TBC1D32: variants seen among roughly 807,000 people sequenced by gnomAD.
TBC1D32 encodes the protein protein broad-minded.
In TBC1D32, 151 loss-of-function variants were observed where a neutral mutation model predicts 170.3. The observed-to-expected ratio is 0.89, with a 90% CI of 0.78 to 1.01. The LOEUF is 1.01. TBC1D32 is among the 50% of genes least tolerant of loss of function. The pLI is 0.00. For synonymous variants in TBC1D32, 498 were observed against 488.0 expected, an observed-to-expected ratio of 1.02 and a Z score of -0.27; for missense variants, 1,464 against 1,457.1, an observed-to-expected ratio of 1.00 and a Z score of -0.08.
intron 24 of TBC1D32, among the ~76,000 whole-genome samples, chr6:121,155,760 C>T (rs995126559): frequency 6.6e-6 from 1 of 151,958 alleles, no homozygotes; most frequent in Admixed American, 6.6e-5. Context: ...TCTATTGAAA[C>T]GGTAATGTAG....
intron 30 of TBC1D32, among the ~76,000 whole-genome samples, chr6:121,092,163 T>A (rs1340215708): frequency 6.6e-6 from 1 of 152,136 alleles, no homozygotes; most frequent in Non-Finnish European, 1.5e-5. Context: ...TCATGGTACT[T>A]TGTTACTATA....
At chr6:121,304,168 G>A (rs10499104) in intron 8 of TBC1D32, among the ~76,000 whole-genome samples, 197 bp downstream of exon 8, 11,171 of 149,054 alleles carry the variant, frequency 0.075, 433 homozygotes, top group South Asian at 0.15. Context: ...ATGATGTAAA[G>A]TGGTACCTGT....
In TBC1D32 at chr6:121,238,586, T is replaced by C. The variant is rs190433039; in HGVS notation, c.2364+484A>G. Among the ~76,000 whole-genome samples, 4 of 152,260 alleles carry C rather than the reference T, an allele frequency of 2.6e-5. No individual in the cohort carries two copies. In the East Asian group the frequency reaches 5.8e-4, roughly 22 times the overall value. ...AATGTAAAAAGCCATTGAATTATGA[T>C]AGAACATTGGGTGACTGATTTTAAA... On this transcript the variant is annotated intron_variant, in intron 20 of 31. Transcript: ENST00000398212.
At chr6:121,171,620 A>G (rs1257286106) in intron 22 of TBC1D32, among the ~76,000 whole-genome samples, 3 of 152,142 alleles carry the variant, frequency 2.0e-5, no homozygotes, top group Admixed American at 6.5e-5. Context: ...ACATGATTAC[A>G]TATTAAAACA....
chr6:121,192,496 C>A (rs190045794), intron 22 of TBC1D32: 3 of 152,260 alleles, frequency 2.0e-5, no homozygotes, highest in African/African-American at 7.2e-5. Context: ...GCTTCAGAAG[C>A]TGAGGCTCAA....
chr6:121,114,057 C>T (rs1378281645), intron 27 of TBC1D32, among the ~76,000 whole-genome samples: 1 of 151,958 alleles, frequency 6.6e-6, no homozygotes, highest in Non-Finnish European at 1.5e-5. Flanking sequence ...ACCTGTAATC[C>T]CAGCTACTCA....
At chr6:121,193,118 T>C (rs764778454) in intron 22 of TBC1D32, among the ~76,000 whole-genome samples, 4 of 152,020 alleles carry the variant, frequency 2.6e-5, no homozygotes, top group African/African-American at 7.3e-5. Flanking sequence ...ATATTAAGGG[T>C]ATGGGAAAAT....
At chr6:121,122,830 G>A (rs923151749) in intron 26 of TBC1D32, among the ~76,000 whole-genome samples, 3 of 152,062 alleles carry the variant, frequency 2.0e-5, no homozygotes, top group Non-Finnish European at 2.9e-5. Flanking sequence ...CTGGGACAGG[G>A]GGTAGTTGGG....
rs878995596 is a variant in TBC1D32, at chr6:121,159,903, T to C, written c.2773+107A>G. On this transcript the variant is annotated intron_variant, in intron 24 of 31. Coordinates refer to ENST00000398212, the MANE Select transcript of TBC1D32 (RefSeq NM_152730.6). ...AGAAATAGGCATAAATGCACACATG[T>C]ATACATGCTAAATGCAGTCAATATT... 7 of 736,536 alleles carry C rather than the reference T, an allele frequency of 9.5e-6. No homozygotes were observed. In the East Asian group the frequency reaches 1.1e-4, roughly 12 times the overall value. 45.6% of individuals were successfully genotyped at this position (736,536 alleles called of 1,614,324 possible).
chr6:121,182,645 G>A (rs375642514), intron 22 of TBC1D32, among the ~76,000 whole-genome samples: 2 of 151,918 alleles, frequency 1.3e-5, no homozygotes, highest in African/African-American at 4.8e-5. Flanking sequence ...ATTAAGGCTA[G>A]GTTTACAAAG....
At chr6:121,285,701 C>T (rs568368103) in intron 12 of TBC1D32, among the ~76,000 whole-genome samples, 2 of 152,162 alleles carry the variant, frequency 1.3e-5, no homozygotes, top group Non-Finnish European at 2.9e-5. Flanking sequence ...TCAAGTGGGT[C>T]CCTGACCCCC....
intron 26 of TBC1D32, among the ~76,000 whole-genome samples, chr6:121,120,546 C>T (rs542390182): frequency 2.6e-4 from 39 of 151,966 alleles, no homozygotes; most frequent in Non-Finnish European, 4.6e-4. Context: ...CCTATTACTT[C>T]CCAACTTAAC....
intron 12 of TBC1D32, 96 bp downstream of exon 12, chr6:121,291,957 G>A (rs889991595): frequency 3.8e-5 from 49 of 1,292,876 alleles, no homozygotes; most frequent in Admixed American, 1.6e-4. Context: ...GCTAAGTACC[G>A]TAGAAAGGAA....
At chr6:121,326,586 C>G (rs933101050) in intron 1 of TBC1D32, among the ~76,000 whole-genome samples, 2 of 152,154 alleles carry the variant, frequency 1.3e-5, no homozygotes, top group African/African-American at 2.4e-5. Flanking sequence ...CTGTGGAAAT[C>G]GGAATAACCT....
intron 17 of TBC1D32, 118 bp downstream of exon 17, chr6:121,255,210 A>G (rs1798802091): frequency 2.0e-6 from 1 of 491,134 alleles, no homozygotes; most frequent in African/African-American, 2.1e-5. Context: ...TTGAAGCTGT[A>G]TATATACATT....
At chr6:121,223,101 C>T (rs1216087194) in intron 21 of TBC1D32, 135 bp downstream of exon 21, 3 of 577,486 alleles carry the variant, frequency 5.2e-6, no homozygotes, top group Non-Finnish European at 9.0e-6. Context: ...ATAATTCATG[C>T]ATGATTAATC....
intron 1 of TBC1D32, among the ~76,000 whole-genome samples, chr6:121,332,764 T>C (rs181011843): frequency 1.3e-5 from 2 of 152,288 alleles, no homozygotes; most frequent in African/African-American, 2.4e-5. Flanking sequence ...CACTGTTTAA[T>C]AAATCTGTAG....
intron 12 of TBC1D32, among the ~76,000 whole-genome samples, chr6:121,287,035 C>G (rs1156325738): frequency 6.6e-6 from 1 of 152,084 alleles, no homozygotes; most frequent in African/African-American, 2.4e-5. Context: ...CCGGTACCAG[C>G]CACTGCAAAA....
intron 30 of TBC1D32, among the ~76,000 whole-genome samples, chr6:121,098,377 C>A (rs1363732074): frequency 6.6e-6 from 1 of 151,750 alleles, no homozygotes; most frequent in Admixed American, 6.6e-5. Flanking sequence ...AGAAGAAGTA[C>A]CAGTAAAGTA....
Sources: gnomAD v4.1 joint callset for allele counts (sites outside exome capture counted in the v4.1 genomes callset) on GRCh38, gnomAD v4.1.1 for gene constraint, MANE v1.5 for transcripts, NCBI Gene and HGNC (gene_info 2026-07-23, HGNC 2026-07-21) for gene names.